Variants in ZNF487 observed in about 807,000 individuals in gnomAD.
The protein encoded by ZNF487 is zinc finger protein 487, also known as KRAB domain only 1.
In ZNF487, 4 loss-of-function variants were observed where a neutral mutation model predicts 3.0. The observed-to-expected ratio is 1.35, with a 90% CI of 0.66 to 3.08. The LOEUF (loss-of-function observed/expected upper bound fraction) is 3.08. ZNF487 is among the 30% of genes most tolerant of loss of function. The pLI is 0.01. For synonymous variants in ZNF487, 55 were observed against 34.6 expected (o/e 1.59, Z -2.06); for missense variants, 146 against 98.7 (o/e 1.48, Z -2.03).
the ZNF487 span, among the ~76,000 whole-genome samples, chr10:43,499,536 C>T: frequency 6.6e-6 from 1 of 152,052 alleles, no homozygotes. Context: ...CCCACCTCAG[C>T]CTCCCAGAAA....
At chr10:43,462,316 T>A (rs907770580) in intron 1 of ZNF487, among the ~76,000 whole-genome samples, 1 of 152,174 alleles carries the variant, frequency 6.6e-6, no homozygotes, top group African/African-American at 2.4e-5. Flanking sequence ...ACGTAATCAT[T>A]GATTACAGGC....
chr10:43,438,980 G>A (rs1007952535), intron 1 of ZNF487, among the ~76,000 whole-genome samples: 2 of 152,050 alleles, frequency 1.3e-5, no homozygotes, highest in South Asian at 2.1e-4. Context: ...GGTGTCTCAC[G>A]CCTGTAGTCC....
chr10:43,508,123 A>G, the ZNF487 span, among the ~76,000 whole-genome samples: 1 of 152,156 alleles, frequency 6.6e-6, no homozygotes, highest in Non-Finnish European at 1.5e-5. Context: ...ACCCTGTGGC[A>G]TTGTGAGGGG....
At chr10:43,514,805 G>GT in the ZNF487 span, among the ~76,000 whole-genome samples, 1 of 152,172 alleles carries the variant, frequency 6.6e-6, no homozygotes, top group Admixed American at 6.5e-5. Flanking sequence ...AGATGCAGGT[G>GT]TTGCCCTCAC....
At chr10:43,468,369 C>T (rs544500799) in intron 1 of ZNF487, among the ~76,000 whole-genome samples, 2 of 152,088 alleles carry the variant, frequency 1.3e-5, no homozygotes, top group African/African-American at 2.4e-5. Context: ...TCTCATGCTA[C>T]AGAGAAATCT....
intron 1 of ZNF487, among the ~76,000 whole-genome samples, chr10:43,450,258 G>GACTGC (rs1839960154): frequency 6.6e-6 from 1 of 152,094 alleles, no homozygotes; most frequent in South Asian, 2.1e-4. Flanking sequence ...ATGTTGGTCA[G>GACTGC]TTTGGTCTCG....
Position 43,460,338 on chromosome 10 carries a change from TTG to T in ZNF487, c.-93-15379_-93-15378del, listed in dbSNP as rs200593851. On this transcript the variant is annotated intron_variant, in intron 1 of 3. Transcript: ENST00000437590. Reference sequence around the variant, plus strand: ...TTCCATGACAAATTGTTAGATATTTTTGTGTCTTTGTTCCTGAAAGAGTCTGT... The same window carrying T: ...TTCCATGACAAATTGTTAGATATTTTTGTCTTTGTTCCTGAAAGAGTCTGT... Among the ~76,000 whole-genome samples, 320 of 152,068 alleles carry T rather than the reference TTG, an allele frequency of 2.1e-3. 1 individual carries two copies. The highest frequency in any genetic ancestry group is 7.2e-3 in the African/African-American group (299 of 41,502).
intron 1 of ZNF487, among the ~76,000 whole-genome samples, chr10:43,466,603 A>G (rs1840716165): frequency 6.6e-6 from 1 of 151,412 alleles, no homozygotes; most frequent in Non-Finnish European, 1.5e-5. Context: ...GGGTTTCACC[A>G]TGTTTGTCAG....
the ZNF487 span, among the ~76,000 whole-genome samples, chr10:43,496,452 C>G: frequency 6.6e-6 from 1 of 152,006 alleles, no homozygotes; most frequent in Non-Finnish European, 1.5e-5. Context: ...CATTAGCAAG[C>G]CAAAGGTGGT....
the ZNF487 span, among the ~76,000 whole-genome samples, chr10:43,517,175 G>A: frequency 6.6e-6 from 1 of 152,212 alleles, no homozygotes; most frequent in East Asian, 1.9e-4. Context: ...TTGTGTGAGG[G>A]GTCTTGCCAC....
chr10:43,454,379 T>G (rs972234031), intron 1 of ZNF487: 1 of 152,212 alleles, frequency 6.6e-6, no homozygotes, highest in African/African-American at 2.4e-5. Context: ...AAAATACTTT[T>G]GAACAGTAAG....
chr10:43,489,610 T>C, the ZNF487 span, among the ~76,000 whole-genome samples: 1 of 152,126 alleles, frequency 6.6e-6, no homozygotes, highest in Non-Finnish European at 1.5e-5. Flanking sequence ...TGCCTCCGCC[T>C]CCCAAAGTGT....
At chr10:43,456,404 T>A (rs1221902819) in intron 1 of ZNF487, among the ~76,000 whole-genome samples, 1 of 152,066 alleles carries the variant, frequency 6.6e-6, no homozygotes. Context: ...AGGCAATATG[T>A]AATGCCTGTG....
chr10:43,511,262 A>AG, the ZNF487 span, among the ~76,000 whole-genome samples: 1 of 152,224 alleles, frequency 6.6e-6, no homozygotes, highest in Admixed American at 6.5e-5. Context: ...CAGCTGCTTC[A>AG]GGATGATGGG....
At chr10:43,488,168 A>T (rs189360764), downstream of ZNF487, among the ~76,000 whole-genome samples, 221 of 152,116 alleles carry the variant, frequency 1.5e-3, 1 homozygote, top group African/African-American at 5.1e-3. Context: ...TAGATAAATT[A>T]CTTATGATAT....
At chr10:43,475,592 AG>A (rs1284458404) in intron 1 of ZNF487, 128 bp from the exon 2 acceptor site, 6 of 670,686 alleles carry the variant, frequency 8.9e-6, no homozygotes, top group African/African-American at 5.3e-5. Flanking sequence ...TAATATCAAT[AG>A]TAGGCATCCT....
At chr10:43,494,031 TAAAA>T in the ZNF487 span, among the ~76,000 whole-genome samples, 1 of 111,862 alleles carries the variant, frequency 8.9e-6, no homozygotes, top group Admixed American at 9.9e-5. Context: ...ACTCCATCTC[TAAAA>T]AAAAAAAAAA....
intron 1 of ZNF487, chr10:43,454,635 A>G (rs537865024): frequency 6.6e-6 from 1 of 152,294 alleles, no homozygotes; most frequent in Non-Finnish European, 1.5e-5. Context: ...ATAGCTCTGG[A>G]ATAAACTTTG....
downstream of ZNF487, among the ~76,000 whole-genome samples, chr10:43,485,859 G>A (rs955373432): frequency 5.3e-5 from 8 of 152,134 alleles, no homozygotes; most frequent in Non-Finnish European, 1.2e-4. Flanking sequence ...GAAATCAAGT[G>A]CATCTTCAGA....
Sources: allele counts gnomAD v4.1 joint callset (sites outside exome capture counted in the v4.1 genomes callset), GRCh38; gene constraint gnomAD v4.1.1; transcripts MANE v1.5; gene names NCBI Gene and HGNC (gene_info 2026-07-23, HGNC 2026-07-21).